Variants in C10orf71 observed in about 807,000 individuals in gnomAD.
The protein encoded by C10orf71 is cardiac-enriched FHL2-interacting protein.
For missense variants in C10orf71, 1,869 were observed against 1,804.5 expected, an observed-to-expected ratio of 1.04 and a Z score of -0.65; for synonymous variants, 758 against 726.3, an observed-to-expected ratio of 1.04 and a Z score of -0.70.
At chr10:49,302,254 T>C (rs116226582) in intron 1 of C10orf71, among the ~76,000 whole-genome samples, 2,109 of 152,328 alleles carry the variant, frequency 0.014, 51 homozygotes, top group African/African-American at 0.048. Flanking sequence ...CCAGGTCACA[T>C]TGGAGCTGCC....
chr10:49,298,290 G>A (rs1047369152), upstream of C10orf71, among the ~76,000 whole-genome samples: 1 of 152,200 alleles, frequency 6.6e-6, no homozygotes, highest in Non-Finnish European at 1.5e-5. Flanking sequence ...AGTCATCTCC[G>A]CTTTCTCAGG....
In C10orf71 at chr10:49,325,870, C is replaced by G. The variant is rs1311496261; in HGVS notation, c.3325C>G (p.Arg1109Gly). 2 of 1,550,120 alleles carry G rather than the reference C, an allele frequency of 1.3e-6. No homozygotes were observed. The highest frequency in any genetic ancestry group is 1.7e-6 in the Non-Finnish European group (2 of 1,145,968). Residue 1109 changes from arginine to glycine, a missense_variant, in exon 3 of 3, where the codon CGG (arginine) becomes GGG (glycine). Arg to Gly is a moderately radical substitution (Grantham distance 125). Transcript: ENST00000374144. ...CAGCTCCAGTCCTGCCAGGGTCACCCGGAGGGAGGACCTGACCCACGCCCT... is the reference window on the plus strand; with the variant it reads ...CAGCTCCAGTCCTGCCAGGGTCACCGGGAGGGAGGACCTGACCCACGCCCT... ...WASSSPARVTRREDLTHALVW... is the reference protein window; with the variant it reads ...WASSSPARVTGREDLTHALVW...
intron 1 of C10orf71, among the ~76,000 whole-genome samples, chr10:49,301,218 A>G (rs1211280881): frequency 6.6e-6 from 1 of 152,168 alleles, no homozygotes; most frequent in Non-Finnish European, 1.5e-5. Context: ...GCTTTGAGAG[A>G]AGGCCACGCT....
At position 49,324,424 on chromosome 10, in the gene C10orf71, C is replaced by A; in HGVS notation, c.1879C>A (p.Pro627Thr). 6.2e-7 allele frequency: 1 copy of A among 1,610,232 alleles called. No homozygotes were observed. Among genetic ancestry groups the A allele is most frequent in the East Asian group, 2.2e-5 (1 of 44,752 alleles). Reference sequence around the variant, plus strand: ...GGTGGAAGGAGAGTTGGAGATGGGTCCTGCCGGATCCAGCTGGTGTCCAGA... The same window carrying A: ...GGTGGAAGGAGAGTTGGAGATGGGTACTGCCGGATCCAGCTGGTGTCCAGA... ...KEVEGELEMG[P>T]AGSSWCPDSR... The change falls in exon 3 of 3, where the codon CCT (proline) becomes ACT (threonine). Residue 627 changes from proline (P) to threonine (T), a missense_variant. Coordinates refer to ENST00000374144, the MANE Select transcript of C10orf71 (RefSeq NM_001135196.2).
chr10:49,323,862 C>T lies in C10orf71; in HGVS notation c.1317C>T (p.Pro439=), dbSNP rs74528495. 1,285 of 1,613,540 alleles carry T rather than the reference C, an allele frequency of 8.0e-4. 12 individuals carry two copies. The African/African-American group carries it at 0.015, about 19-fold the overall frequency. ...LPVEPNEHYD[P]PFNISKLLTP... ...TGGAACCCAATGAACATTATGATCC[C>T]CCCTTTAACATCAGTAAGCTCCTGA... is the stretch of plus-strand genomic sequence containing the variant. Residue 439 remains proline, a synonymous_variant, in exon 3 of 3, where the codon CCC becomes CCT. Transcript: ENST00000374144.
Position 49,322,389 on chromosome 10 carries a change from T to C in C10orf71, c.-144-13T>C. ...TATACTTTGTTCACGCCCTGCACCTTTTTCTTTTGCAGAGAAAAAAAAAAA... is the reference window on the plus strand; with the variant it reads ...TATACTTTGTTCACGCCCTGCACCTCTTTCTTTTGCAGAGAAAAAAAAAAA... On this transcript the variant is annotated splice_polypyrimidine_tract_variant and intron_variant, in intron 2 of 2. Coordinates refer to ENST00000374144, the MANE Select transcript of C10orf71 (RefSeq NM_001135196.2). 1 of 850,180 alleles carries C rather than the reference T, an allele frequency of 1.2e-6. No homozygotes were observed. The highest frequency in any genetic ancestry group is 1.9e-5 in the South Asian group (1 of 53,466). 52.7% of individuals were successfully genotyped at this position (850,180 alleles called of 1,614,324 possible). A position where few individuals can be genotyped will look rare whatever the true frequency, so the allele number is the denominator to read the frequency against.
intron 1 of C10orf71, among the ~76,000 whole-genome samples, chr10:49,310,804 G>C (rs1211436783): frequency 1.3e-5 from 2 of 151,662 alleles, no homozygotes; most frequent in African/African-American, 2.4e-5. Context: ...TGATGATGGT[G>C]ATGATGATGA....
intron 2 of C10orf71, among the ~76,000 whole-genome samples, chr10:49,318,214 A>G (rs1390076574): frequency 6.6e-6 from 1 of 152,230 alleles, no homozygotes; most frequent in Non-Finnish European, 1.5e-5. Flanking sequence ...GAAAGGCAGG[A>G]ACTTTCACAG....
Position 49,322,769 on chromosome 10 carries a change from C to A in C10orf71, c.224C>A (p.Thr75Asn), listed in dbSNP as rs771197090. 2.5e-6 allele frequency: 4 copies of A among 1,613,608 alleles called. No individual in the cohort carries two copies. In the South Asian group the frequency reaches 4.4e-5, roughly 18 times the overall value. The change falls in exon 3 of 3, where the codon ACC (threonine) becomes AAC (asparagine). Residue 75 changes from threonine to asparagine, a missense_variant. By Grantham distance (65) the Thr-to-Asn change is moderately conservative. Coordinates refer to ENST00000374144, the MANE Select transcript of C10orf71 (RefSeq NM_001135196.2). ...TTTCACCAGAGAACAGTGGGCCACA[C>A]CCAGAGGAAAAGTGGCATTTGGAGC... is the stretch of plus-strand genomic sequence containing the variant. The part of the protein sequence containing the change: ...GTFHQRTVGH[T>N]QRKSGIWSQL...
intron 1 of C10orf71, among the ~76,000 whole-genome samples, chr10:49,306,664 G>A (rs926985174): frequency 4.6e-5 from 7 of 152,228 alleles, no homozygotes; most frequent in African/African-American, 1.7e-4. Context: ...TGGGGACTTA[G>A]AAAGTCTATT....
Position 49,324,510 on chromosome 10 carries a change from G to T in C10orf71, c.1965G>T (p.Glu655Asp). ...TGAGGCTTTGCAATAGGGATCCTGA[G>T]CCTGGAGGGGCTACAGAGAAAATGA... ...LSLRLCNRDP[E>D]PGGATEKMKT... is the part of the protein sequence containing the mutation. The change falls in exon 3 of 3, where the codon GAG (glutamate) becomes GAT (aspartate). Residue 655 changes from glutamate (E) to aspartate (D), a missense_variant. Physicochemically the swap from Glu to Asp is conservative, Grantham distance 45. Transcript: ENST00000374144. 6.2e-7 allele frequency: 1 copy of T among 1,612,122 alleles called. No homozygotes were observed. Among genetic ancestry groups the T allele is most frequent in the Non-Finnish European group, 8.5e-7 (1 of 1,179,000 alleles).
intron 1 of C10orf71, among the ~76,000 whole-genome samples, chr10:49,312,337 T>G (rs1848929397): frequency 6.6e-6 from 1 of 152,170 alleles, no homozygotes. Flanking sequence ...TGCAGAACCT[T>G]CTCCATCTGA....
At chr10:49,319,295 G>A (rs1357610803) in intron 2 of C10orf71, among the ~76,000 whole-genome samples, 2 of 151,610 alleles carry the variant, frequency 1.3e-5, no homozygotes, top group East Asian at 3.9e-4. Context: ...GGATCCACAA[G>A]AGAATGTTAT....
chr10:49,316,526 G>A (rs183159822), intron 2 of C10orf71, among the ~76,000 whole-genome samples: 5 of 152,142 alleles, frequency 3.3e-5, no homozygotes, highest in Admixed American at 2.6e-4. Context: ...TTAGAATGAG[G>A]ATATAAACCC....
At position 49,326,136 on chromosome 10, in the gene C10orf71, T is replaced by A; in HGVS notation, c.3591T>A (p.Ala1197=). The change falls in exon 3 of 3, where the codon GCT becomes GCA. Residue 1197 remains alanine (A), a synonymous_variant. Transcript: ENST00000374144. The part of the protein sequence containing the change: ...LASKRRKTDQ[A]QEKHGESQEG... ...GTAAGAGGAGGAAGACGGATCAGGC[T>A]CAGGAGAAGCATGGCGAGTCACAGG... The A allele has an allele frequency of 6.4e-7, 1 of 1,551,590 alleles. No homozygotes were observed. The highest frequency in any genetic ancestry group is 8.7e-7 in the Non-Finnish European group (1 of 1,146,956).
intron 2 of C10orf71, among the ~76,000 whole-genome samples, chr10:49,320,619 C>T (rs1054761012): frequency 6.6e-5 from 10 of 152,126 alleles, no homozygotes; most frequent in Non-Finnish European, 1.0e-4. Context: ...GGAGGGAACA[C>T]CCATGGAATA....
intron 1 of C10orf71, among the ~76,000 whole-genome samples, chr10:49,301,949 G>C (rs1007272262): frequency 6.6e-6 from 1 of 152,086 alleles, no homozygotes. Flanking sequence ...CCCCACTCTG[G>C]GCTGTCTTCC....
chr10:49,306,862 G>A (rs1376046345), intron 1 of C10orf71, among the ~76,000 whole-genome samples: 2 of 152,254 alleles, frequency 1.3e-5, no homozygotes, highest in Non-Finnish European at 2.9e-5. Flanking sequence ...GCTCCTGAAG[G>A]AGCCATGTGT....
At chr10:49,316,291 T>C (rs1481889688) in intron 2 of C10orf71, 44 bp downstream of exon 2, 1 of 151,848 alleles carries the variant, frequency 6.6e-6, no homozygotes, top group African/African-American at 2.4e-5. Flanking sequence ...ACACCTTCTG[T>C]TTTTGGCCAT....
Sources: allele counts gnomAD v4.1 joint callset (sites outside exome capture counted in the v4.1 genomes callset), GRCh38; gene constraint gnomAD v4.1.1; transcripts MANE v1.5; gene names NCBI Gene and HGNC (gene_info 2026-07-23, HGNC 2026-07-21).